Variants in PSG1 observed in about 807,000 individuals in gnomAD.
The protein encoded by PSG1 is pregnancy specific beta-1-glycoprotein 1.
In PSG1, 60 loss-of-function variants were observed where a neutral mutation model predicts 41.4. The ratio of observed to expected loss-of-function variants is 1.45; its 90% CI spans 1.18 to 1.80. PSG1 has a LOEUF of 1.80. Ranked by LOEUF, PSG1 falls within the 40% of genes most tolerant of loss-of-function variation. The pLI, the probability that PSG1 is intolerant of heterozygous loss-of-function variation, is 0.00. For missense variants in PSG1, 806 were observed against 516.9 expected (o/e 1.56, Z -5.42); for synonymous variants, 256 against 192.9 (o/e 1.33, Z -2.71).
At position 42,868,110 on chromosome 19, in the gene PSG1, C is replaced by T. The variant is rs138243478; in HGVS notation, c.1234G>A (p.Glu412Lys). ...GCTGGGATCCACTTACCAGAGACTTCGACTGTCATGGATTTGGAGCTTTCC... is the reference window on the plus strand; with the variant it reads ...GCTGGGATCCACTTACCAGAGACTTTGACTGTCATGGATTTGGAGCTTTCC... The part of the protein sequence containing the change: ...GKESSKSMTV[E>K]VSDWTVP The change falls in exon 5 of 6, where the codon GAA (glutamate) becomes AAA (lysine). Residue 412 changes from glutamate to lysine, a missense_variant. By Grantham distance (56) the Glu-to-Lys change is moderately conservative (BLOSUM62 1). Coordinates refer to ENST00000436291, the MANE Select transcript of PSG1 (RefSeq NM_001184825.2). 6.8e-4 allele frequency: 1,103 copies of T among 1,612,320 alleles called. 40 individuals are homozygous for T. The highest frequency in any genetic ancestry group is 8.7e-4 in the African/African-American group (65 of 74,806).
At chr19:42,872,591 G>T (rs1745238083) in intron 2 of PSG1, among the ~76,000 whole-genome samples, 1 of 151,622 alleles carries the variant, frequency 6.6e-6, no homozygotes, top group Non-Finnish European at 1.5e-5. Context: ...AAGCCTGGAG[G>T]TCAGTTCAGT....
intron 3 of PSG1, among the ~76,000 whole-genome samples, chr19:42,870,857 G>T (rs544689843): frequency 6.6e-6 from 1 of 151,608 alleles, no homozygotes; most frequent in Non-Finnish European, 1.5e-5. Context: ...TATTCCTTTT[G>T]ATGTTAATGT....
Position 42,871,642 on chromosome 19 carries a change from G to T in PSG1, c.709+125C>A. The stretch of plus-strand genomic sequence containing the variant: ...TGGTTTGCCTGGGGCACAAAGTCAT[G>T]GCCAGGTTTGATGTCCAGGGGTAAA... On this transcript the variant is annotated intron_variant, in intron 3 of 5. Transcript: ENST00000436291. The T allele has an allele frequency of 1.2e-6, 2 of 1,605,582 alleles. 1 individual carries two copies. The highest frequency in any genetic ancestry group is 1.7e-6 in the Non-Finnish European group (2 of 1,174,924).
chr19:42,873,610 G>T (rs1971484312), intron 2 of PSG1, among the ~76,000 whole-genome samples: 1 of 151,726 alleles, frequency 6.6e-6, no homozygotes, highest in South Asian at 2.1e-4. Context: ...TAAGGTTTAG[G>T]TGTGCCGTGA....
At chr19:42,878,368 T>G in intron 1 of PSG1, 90 bp from the exon 2 acceptor site, 1 of 1,486,944 alleles carries the variant, frequency 6.7e-7, no homozygotes, top group Non-Finnish European at 9.0e-7. Context: ...GTCTCTTCAG[T>G]CCTCAGCCTT....
intron 1 of PSG1, chr19:42,878,562 C>T (rs964148690): frequency 6.8e-6 from 3 of 439,852 alleles, no homozygotes; most frequent in Non-Finnish European, 1.1e-5. Flanking sequence ...TCCTCTTCCC[C>T]AGGGGTCCGC....
Position 42,868,612 on chromosome 19 carries a change from C to T in PSG1, c.988+144G>A, listed in dbSNP as rs560440265. 1.4e-5 allele frequency: 21 copies of T among 1,511,122 alleles called. No homozygotes were observed. The East Asian group carries it at 4.3e-4, about 31-fold the overall frequency. The allele number at this position is 1,511,122 out of a possible 1,614,324, so 93.6% of individuals were successfully genotyped here. On this transcript the variant is annotated intron_variant, in intron 4 of 5. Coordinates refer to ENST00000436291, the MANE Select transcript of PSG1 (RefSeq NM_001184825.2). ...TTAAGGCTGTGCCTACCCAGGATTT[C>T]CCAGGGCAGGGAGTCATGGCCAGCT...
chr19:42,868,362 C>G lies in PSG1; in HGVS notation c.989-7G>C, dbSNP rs201282115. Reference sequence around the variant, plus strand: ...CTGGGGAGGTCTGGACCATCTGGAGCAAAGAGAATAAAGCCACAGGTGATG... The same window carrying G: ...CTGGGGAGGTCTGGACCATCTGGAGGAAAGAGAATAAAGCCACAGGTGATG... On this transcript the variant is annotated splice_region_variant and splice_polypyrimidine_tract_variant and intron_variant, in intron 4 of 5. Transcript: ENST00000436291. The G allele has an allele frequency of 2.1e-4, 341 of 1,602,874 alleles. 3 individuals carry two copies. In the African/African-American group the frequency reaches 3.7e-3, roughly 17 times the overall value.
intron 3 of PSG1, 25 bp downstream of exon 3, chr19:42,871,742 T>C (rs1392929262): frequency 6.2e-7 from 1 of 1,612,474 alleles, no homozygotes; most frequent in Admixed American, 1.7e-5. Flanking sequence ...GCAGCCTGGC[T>C]CACAGAGGAA....
At position 42,872,029 on chromosome 19, in the gene PSG1, G is replaced by A. The variant is rs757940793; in HGVS notation, c.447C>T (p.Pro149=). The A allele has an allele frequency of 5.0e-6, 8 of 1,611,924 alleles. No individual in the cohort carries two copies. The African/African-American group carries it at 9.4e-5, about 19-fold the overall frequency. Residue 149 remains proline (P), a synonymous_variant, in exon 3 of 6, where the codon CCC becomes CCT. Coordinates refer to ENST00000436291, the MANE Select transcript of PSG1 (RefSeq NM_001184825.2). ...GATTTAAGTTGCTGCTGGAGATGGA[G>A]GGCTTAGGAGTCTCCACTGTGCAGA... The part of the protein sequence containing the change: ...TFTLHLETPK[P]SISSSNLNPR...
In PSG1 at chr19:42,868,155, G is replaced by A. The variant is rs376482682; in HGVS notation, c.1189C>T (p.Arg397Cys). The A allele has an allele frequency of 1.9e-5, 31 of 1,612,220 alleles. No individual in the cohort carries two copies. Among genetic ancestry groups the A allele is most frequent in the Admixed American group, 3.3e-5 (2 of 59,846 alleles). Residue 397 changes from arginine (R) to cysteine (C), a missense_variant, in exon 5 of 6, where the codon CGT (arginine) becomes TGT (cysteine). By Grantham distance (180) the Arg-to-Cys change is radical (BLOSUM62 -3). Transcript: ENST00000436291. ...KHSGLYVCSV[R>C]NSATGKESSK... ...CTTTCCTTGCCAGTGGCTGAGTTAC[G>A]AACAGAGCAAACATAGAGCCCGCTA...
chr19:42,867,952 C>G (rs1971202287), intron 5 of PSG1, 149 bp downstream of exon 5: 4 of 1,565,968 alleles, frequency 2.6e-6, no homozygotes, highest in Non-Finnish European at 3.4e-6. Context: ...AGTTCTTAGA[C>G]AAATTTGGAG....
At chr19:42,875,939 G>T (rs1186957661) in intron 2 of PSG1, among the ~76,000 whole-genome samples, 1 of 149,774 alleles carries the variant, frequency 6.7e-6, no homozygotes, top group Non-Finnish European at 1.5e-5. Flanking sequence ...GCCTCACAAA[G>T]GGAAAGAGCC....
chr19:42,874,569 A>G (rs1971526855), intron 2 of PSG1, among the ~76,000 whole-genome samples: 3 of 151,606 alleles, frequency 2.0e-5, no homozygotes, highest in Admixed American at 1.3e-4. Flanking sequence ...GATGGTCTCT[A>G]TCTCTTGACC....
Position 42,868,771 on chromosome 19 carries a change from T to A in PSG1, c.973A>T (p.Thr325Ser). 6.2e-7 allele frequency: 1 copy of A among 1,611,876 alleles called. No individual in the cohort carries two copies. The highest frequency in any genetic ancestry group is 8.5e-7 in the Non-Finnish European group (1 of 1,178,900). ...AGATACTCACAGAGGACATTCAGGG[T>A]GACTGGGTCACTGCGGATGCCACCA... ...RYGGIRSDPV[T>S]LNVLYGPDLP... The change falls in exon 4 of 6, where the codon ACC becomes TCC. Residue 325 changes from threonine (T) to serine (S), a missense_variant. Physicochemically the swap from Thr to Ser is moderately conservative, Grantham distance 58 (BLOSUM62 1). Transcript: ENST00000436291.
At chr19:42,876,441 G>A (rs1971610562) in intron 2 of PSG1, among the ~76,000 whole-genome samples, 1 of 151,458 alleles carries the variant, frequency 6.6e-6, no homozygotes. Context: ...TGAAGGACAA[G>A]GGACAGGTGT....
intron 3 of PSG1, chr19:42,869,284 C>T (rs909181878): frequency 4.9e-6 from 4 of 808,090 alleles, no homozygotes; most frequent in Middle Eastern, 3.8e-4. Flanking sequence ...GGGTCATGGA[C>T]AGACACGTCA....
chr19:42,872,983 G>A (rs1971457863), intron 2 of PSG1, among the ~76,000 whole-genome samples: 1 of 151,630 alleles, frequency 6.6e-6, no homozygotes, highest in Admixed American at 6.6e-5. Context: ...TCTCTCATTA[G>A]ACATTCTACT....
At chr19:42,877,449 A>G (rs992957485) in intron 2 of PSG1, among the ~76,000 whole-genome samples, 2 of 151,530 alleles carry the variant, frequency 1.3e-5, no homozygotes, top group Non-Finnish European at 2.9e-5. Flanking sequence ...AGCCCTGCCC[A>G]AGAAGCCACA....
Sources: allele counts gnomAD v4.1 joint callset (sites outside exome capture counted in the v4.1 genomes callset), GRCh38; gene constraint gnomAD v4.1.1; transcripts MANE v1.5; gene names NCBI Gene and HGNC (gene_info 2026-07-23, HGNC 2026-07-21).